RPS6KA2: variants seen among roughly 807,000 people sequenced by gnomAD.
RPS6KA2 encodes the protein ribosomal protein S6 kinase A2, also known as ribosomal protein S6 kinase alpha-2.
RPS6KA2 carries 42 observed loss-of-function variants against 91.8 expected under a neutral mutation model. The observed-to-expected ratio is 0.46, with a 90% CI of 0.36 to 0.59. The LOEUF (loss-of-function observed/expected upper bound fraction) is 0.59. Ranked by LOEUF, RPS6KA2 falls within the 20% of genes least tolerant of loss-of-function variation. The probability of loss-of-function intolerance (pLI) is 0.00; values close to 1 mark genes in which losing one functional copy is unlikely to be tolerated. For synonymous variants in RPS6KA2, 414 were observed against 393.6 expected (o/e 1.05, Z -0.61); for missense variants, 798 against 978.5 (o/e 0.82, Z 2.46).
chr6:166,429,900 T>C (rs1779061706), intron 16 of RPS6KA2, among the ~76,000 whole-genome samples: 1 of 152,148 alleles, frequency 6.6e-6, no homozygotes. Flanking sequence ...TTGGCCAGTC[T>C]TGTTTATAGG....
intron 2 of RPS6KA2, among the ~76,000 whole-genome samples, chr6:166,832,565 G>A (rs1420639795): frequency 6.6e-6 from 1 of 152,174 alleles, no homozygotes; most frequent in Non-Finnish European, 1.5e-5. Flanking sequence ...GTCCGCTCAT[G>A]TCAAGAGAAA....
At chr6:166,634,376 T>C (rs1174468545) in intron 2 of RPS6KA2, among the ~76,000 whole-genome samples, 3 of 152,196 alleles carry the variant, frequency 2.0e-5, no homozygotes, top group African/African-American at 7.2e-5. Flanking sequence ...GGATAAGTCC[T>C]TGCGTCCACA....
rs1785811856 is a variant in RPS6KA2 at position 166,603,184 on chromosome 6, A to T, written c.99+23737T>A. 6.6e-6 allele frequency among the ~76,000 whole-genome samples: 1 copy of T among 152,258 alleles called. No homozygotes were observed. The highest frequency in any genetic ancestry group is 2.1e-4 in the South Asian group (1 of 4,834). ...ATCAAGAACCAAACATCACAGATCC[A>T]GAAAGAGCCTTCCCTCTGCTACTTC... is the stretch of plus-strand genomic sequence containing the variant. On this transcript the variant is annotated intron_variant, in intron 1 of 20. Transcript: ENST00000265678. This position sits in a 1 kb window ranked among gnomAD's most constrained non-coding sequence, Gnocchi z 4.3.
At chr6:166,439,148 G>A (rs557201575) in intron 14 of RPS6KA2, among the ~76,000 whole-genome samples, 9 of 151,102 alleles carry the variant, frequency 6.0e-5, no homozygotes, top group African/African-American at 1.9e-4. Flanking sequence ...TCTCTCTGTC[G>A]CCCAGGCTGG....
At position 166,464,425 on chromosome 6, in the gene RPS6KA2, G is replaced by A. The variant is rs564518046; in HGVS notation, c.973-4874C>T. 9.9e-5 allele frequency among the ~76,000 whole-genome samples: 15 copies of A among 152,224 alleles called. No individual in the cohort carries two copies. The South Asian group carries it at 3.1e-3, about 32-fold the overall frequency. The stretch of plus-strand genomic sequence containing the variant: ...GCTACTAGTATTGATCATGAATAAC[G>A]AATAACAGTAATAATAAGAGTCAGT... On this transcript the variant is annotated intron_variant, in intron 11 of 20. Transcript: ENST00000265678.
At chr6:166,467,721 C>T (rs530555404) in intron 11 of RPS6KA2, among the ~76,000 whole-genome samples, 5 of 152,346 alleles carry the variant, frequency 3.3e-5, no homozygotes, top group African/African-American at 9.6e-5. Flanking sequence ...CTCCATCTGT[C>T]CCCTGCTGCA....
At chr6:166,684,799 C>A (rs1788957063) in intron 2 of RPS6KA2, among the ~76,000 whole-genome samples, 1 of 152,174 alleles carries the variant, frequency 6.6e-6, no homozygotes, top group African/African-American at 2.4e-5. Context: ...TCCCCCTGAA[C>A]AACTTGATTT....
Position 166,459,468 on chromosome 6 carries a change from G to T in RPS6KA2, c.1056C>A (p.Phe352Leu). ...ACACACCTGTGGGCGTCCGCGCTGT[G>T]AACTCGGGGTCAAAGTGGAAGGTGT... ...PEDTFHFDPE[F>L]TARTPTDSPG... is the part of the protein sequence containing the mutation. Residue 352 changes from phenylalanine (F) to leucine (L), a missense_variant, in exon 12 of 21, where the codon TTC becomes TTA. Phe to Leu is a conservative substitution (Grantham distance 22, BLOSUM62 0). Coordinates refer to ENST00000265678, the MANE Select transcript of RPS6KA2 (RefSeq NM_021135.6). The surrounding 1 kb of genome is among the most constrained non-coding windows in gnomAD (Gnocchi z 4.9). 1 of 1,613,974 alleles carries T rather than the reference G, an allele frequency of 6.2e-7. No homozygotes were observed. Among genetic ancestry groups the T allele is most frequent in the Non-Finnish European group, 8.5e-7 (1 of 1,179,852 alleles).
At chr6:166,781,779 A>C (rs1026207412) in intron 2 of RPS6KA2, among the ~76,000 whole-genome samples, 5 of 152,196 alleles carry the variant, frequency 3.3e-5, no homozygotes, top group African/African-American at 1.2e-4. Context: ...AGGCAGATGG[A>C]GAAGCAGGCA....
intron 8 of RPS6KA2, 34 bp downstream of exon 8, chr6:166,498,474 G>T: frequency 6.3e-7 from 1 of 1,577,340 alleles, no homozygotes; most frequent in Non-Finnish European, 8.6e-7. Context: ...GGGAACAGCC[G>T]CCATGGCACA....
At chr6:166,805,973 A>G (rs1026554884) in intron 2 of RPS6KA2, among the ~76,000 whole-genome samples, 2 of 152,230 alleles carry the variant, frequency 1.3e-5, no homozygotes, top group African/African-American at 4.8e-5. Flanking sequence ...AATACGTTAA[A>G]TTTTAAAAAT....
chr6:166,733,523 C>T lies in RPS6KA2; in HGVS notation c.123+124677G>A, dbSNP rs965799094. On this transcript the variant is annotated intron_variant, in intron 2 of 21. Transcript: ENST00000503859. This position sits in a 1 kb window ranked among gnomAD's most constrained non-coding sequence, Gnocchi z 4.1. Reference sequence around the variant, plus strand: ...CTGACCTTTCTGATCTTTCCTCATTCGGATCTTATATTCCTTCTTCTCATC... The same window carrying T: ...CTGACCTTTCTGATCTTTCCTCATTTGGATCTTATATTCCTTCTTCTCATC... Among the ~76,000 whole-genome samples, 1 of 152,198 alleles carries T rather than the reference C, an allele frequency of 6.6e-6. No individual in the cohort carries two copies. Among genetic ancestry groups the T allele is most frequent in the African/African-American group, 2.4e-5 (1 of 41,444 alleles).
At chr6:166,534,221 C>CAAAAAAAAAAAA (rs34585369) in intron 2 of RPS6KA2, among the ~76,000 whole-genome samples, 10 of 59,342 alleles carry the variant, frequency 1.7e-4, no homozygotes, top group African/African-American at 4.7e-4. Context: ...GACTCTGTCT[C>CAAAAAAAAAAAA]AAAAAAAAAA....
At chr6:166,550,647 G>A (rs1233080457) in intron 1 of RPS6KA2, among the ~76,000 whole-genome samples, 1 of 152,128 alleles carries the variant, frequency 6.6e-6, no homozygotes, top group Non-Finnish European at 1.5e-5. Flanking sequence ...TGGGAGGTGG[G>A]TGTCTCTAGG....
intron 1 of RPS6KA2, among the ~76,000 whole-genome samples, chr6:166,582,308 C>T (rs1023833760): frequency 9.9e-5 from 15 of 152,214 alleles, no homozygotes; most frequent in African/African-American, 3.4e-4. Flanking sequence ...GAGCTGGCTT[C>T]CGGTGGCATG....
chr6:166,766,168 A>C (rs546349309), intron 2 of RPS6KA2, among the ~76,000 whole-genome samples: 1 of 152,312 alleles, frequency 6.6e-6, no homozygotes, highest in Admixed American at 6.5e-5. Context: ...CATGTCACTG[A>C]ATAGAGGATA....
intron 2 of RPS6KA2, among the ~76,000 whole-genome samples, chr6:166,820,693 T>C (rs1779885866): frequency 6.6e-6 from 1 of 152,244 alleles, no homozygotes; most frequent in Non-Finnish European, 1.5e-5. Flanking sequence ...AGCTGACTTG[T>C]AATTTTGATT....
chr6:166,635,412 C>T lies in RPS6KA2; in HGVS notation c.124-96628G>A, dbSNP rs1428125107. 1.3e-5 allele frequency among the ~76,000 whole-genome samples: 2 copies of T among 152,226 alleles called. No homozygotes were observed. Among genetic ancestry groups the T allele is most frequent in the African/African-American group, 2.4e-5 (1 of 41,464 alleles). ...AGGGCTTTAGAGGGGAGAGAAAGCCCTACGGGAGCCCCCAGAGGAGCCCTT... is the reference window on the plus strand; with the variant it reads ...AGGGCTTTAGAGGGGAGAGAAAGCCTTACGGGAGCCCCCAGAGGAGCCCTT... On this transcript the variant is annotated intron_variant, in intron 2 of 21. Coordinates refer to the RPS6KA2 transcript ENST00000503859. The surrounding 1 kb of genome is among the most constrained non-coding windows in gnomAD (Gnocchi z 4.8).
chr6:166,852,566 C>T lies in RPS6KA2; in HGVS notation c.123+5634G>A, dbSNP rs534192471. Among the ~76,000 whole-genome samples, 61 of 152,188 alleles carry T rather than the reference C, an allele frequency of 4.0e-4. No individual in the cohort carries two copies. The highest frequency in any genetic ancestry group is 7.5e-4 in the Non-Finnish European group (51 of 68,028). On this transcript the variant is annotated intron_variant, in intron 2 of 21. Transcript: ENST00000503859. The surrounding 1 kb of genome is among the most constrained non-coding windows in gnomAD (Gnocchi z 4.1). ...TTGGCCCAGAGCTCCTGAACACACC[C>T]GGCCTGGCTCTCTCTTTCACCCTTT...
Sources: gnomAD v4.1 joint callset for allele counts (sites outside exome capture counted in the v4.1 genomes callset) on GRCh38, gnomAD v4.1.1 for gene constraint, Gnocchi (gnomAD v3.1) non-coding constraint, MANE v1.5 for transcripts, NCBI Gene and HGNC (gene_info 2026-07-23, HGNC 2026-07-21) for gene names.